Variants in PRKAG2 observed in about 807,000 individuals in gnomAD.
PRKAG2 encodes the protein 5'-AMP-activated protein kinase subunit gamma-2.
A neutral mutation model predicts 69.6 loss-of-function variants in PRKAG2; 26 were observed. The ratio of observed to expected loss-of-function variants is 0.37; its 90% CI spans 0.27 to 0.52. The LOEUF is 0.52. Among genes scored for constraint, PRKAG2 ranks in the 20% least tolerant of loss-of-function variants. PRKAG2 has a pLI of 0.90. For missense variants in PRKAG2, 557 were observed against 740.0 expected (o/e 0.75, Z 2.87); for synonymous variants, 293 against 285.0 (o/e 1.03, Z -0.28).
intron 4 of PRKAG2, among the ~76,000 whole-genome samples, chr7:151,644,121 A>G (rs769949400): frequency 1.3e-5 from 2 of 152,194 alleles, no homozygotes; most frequent in African/African-American, 4.8e-5. Context: ...GACTACAAAC[A>G]TGGTGCAGAG....
At chr7:151,708,575 C>A (rs1839011712) in intron 3 of PRKAG2, among the ~76,000 whole-genome samples, 1 of 152,096 alleles carries the variant, frequency 6.6e-6, no homozygotes, top group East Asian at 1.9e-4. Flanking sequence ...GAATTTGGAG[C>A]CAGAGGGTCC....
At chr7:151,698,668 T>C (rs56145758) in intron 3 of PRKAG2, among the ~76,000 whole-genome samples, 3 of 152,144 alleles carry the variant, frequency 2.0e-5, no homozygotes, top group African/African-American at 7.2e-5. Flanking sequence ...ACCAGCACCA[T>C]GCTTCTCCTA....
At chr7:151,854,268 G>A (rs1238091352) in intron 1 of PRKAG2, among the ~76,000 whole-genome samples, 1 of 152,258 alleles carries the variant, frequency 6.6e-6, no homozygotes, top group Non-Finnish European at 1.5e-5. Context: ...CTATCTACAT[G>A]CATGCCTCCC....
chr7:151,775,662 GATTAATGTCTGCTAGAGACAA>G (rs1259282979), intron 3 of PRKAG2, among the ~76,000 whole-genome samples: 9 of 152,356 alleles, frequency 5.9e-5, no homozygotes, highest in Non-Finnish European at 1.2e-4. Context: ...GCTATTACAC[GATTAATGTCTGCTAGAGACAA>G]AAGCAGTCCC....
At chr7:151,671,666 T>A (rs77255672) in intron 4 of PRKAG2, among the ~76,000 whole-genome samples, 332 of 152,374 alleles carry the variant, frequency 2.2e-3, no homozygotes, top group African/African-American at 7.3e-3. Flanking sequence ...CAACCTTATT[T>A]GGAAGCAGAG....
chr7:151,865,951 C>T (rs573985186), intron 1 of PRKAG2, among the ~76,000 whole-genome samples: 85 of 145,468 alleles, frequency 5.8e-4, no homozygotes, highest in African/African-American at 1.1e-3. Context: ...ACCTGGGAGG[C>T]GGAGCTTGCA....
chr7:151,595,415 A>T lies in PRKAG2; in HGVS notation c.794T>A (p.Met265Lys). 1 of 1,614,056 alleles carries T rather than the reference A, an allele frequency of 6.2e-7. No individual in the cohort carries two copies. The highest frequency in any genetic ancestry group is 8.5e-7 in the Non-Finnish European group (1 of 1,179,944). The change falls in exon 6 of 16, where the codon ATG becomes AAG. Residue 265 changes from methionine to lysine, a missense_variant. Met to Lys is a moderately conservative substitution (Grantham distance 95). Around this residue, in one of 2 missense-constraint regions of PRKAG2, gnomAD observed 205 missense variants for 383.4 expected, o/e 0.53. Coordinates refer to ENST00000287878, the MANE Select transcript of PRKAG2 (RefSeq NM_016203.4). ...GATGTCATAACACTTGTGTGACCTC[A>T]TGAATCGCATGTAAACACCACTTTC... ...DSESGVYMRF[M>K]RSHKCYDIVP...
At chr7:151,616,644 G>A (rs929224340) in intron 5 of PRKAG2, among the ~76,000 whole-genome samples, 2 of 152,238 alleles carry the variant, frequency 1.3e-5, no homozygotes, top group African/African-American at 4.8e-5. Flanking sequence ...TGTTTGGACT[G>A]TGCAGTGTGA....
chr7:151,613,577 A>T (rs1819385033), intron 5 of PRKAG2, among the ~76,000 whole-genome samples: 3 of 152,018 alleles, frequency 2.0e-5, no homozygotes, highest in Non-Finnish European at 4.4e-5. Context: ...GGCTCACTGC[A>T]ACCTCTGGCT....
rs967200695 is a variant in PRKAG2 at position 151,828,097 on chromosome 7, C to G, written c.115-41556G>C. The stretch of plus-strand genomic sequence containing the variant: ...CCAGGTGCACTGGGCCACCCATTCA[C>G]CCAGCAAGCACACAGCAAACGCCTG... On this transcript the variant is annotated intron_variant, in intron 1 of 15. Coordinates refer to ENST00000287878, the MANE Select transcript of PRKAG2 (RefSeq NM_016203.4). The surrounding 1 kb of genome is among the most constrained non-coding windows in gnomAD (Gnocchi z 4.6). Among the ~76,000 whole-genome samples, 7 of 152,254 alleles carry G rather than the reference C, an allele frequency of 4.6e-5. No individual in the cohort carries two copies. The highest frequency in any genetic ancestry group is 1.7e-4 in the African/African-American group (7 of 41,468).
chr7:151,691,352 A>G (rs1835626184), intron 3 of PRKAG2, among the ~76,000 whole-genome samples: 1 of 152,068 alleles, frequency 6.6e-6, no homozygotes, highest in Admixed American at 6.6e-5. Flanking sequence ...GAATTGGTTG[A>G]AGCTGAGGAG....
At chr7:151,742,838 G>T (rs181420236) in intron 3 of PRKAG2, among the ~76,000 whole-genome samples, 127 of 152,206 alleles carry the variant, frequency 8.3e-4, no homozygotes, top group African/African-American at 2.9e-3. Context: ...CACTGCTGGG[G>T]TCTTTCTGTT....
chr7:151,769,566 C>T (rs1318903401), intron 3 of PRKAG2, among the ~76,000 whole-genome samples: 1 of 152,226 alleles, frequency 6.6e-6, no homozygotes, highest in Non-Finnish European at 1.5e-5. Context: ...ACAGAGCCCT[C>T]CCAGAGCCTT....
intron 5 of PRKAG2, among the ~76,000 whole-genome samples, chr7:151,625,046 T>C (rs1454937429): frequency 6.6e-6 from 1 of 152,154 alleles, no homozygotes; most frequent in Admixed American, 6.5e-5. Context: ...AATATTAAGA[T>C]TTCAGTCTCC....
Position 151,756,285 on chromosome 7 carries a change from G to C in PRKAG2, c.466+24867C>G, listed in dbSNP as rs577300242. Reference sequence around the variant, plus strand: ...CACGTGACTGCAACGAAGGAAGTGTGGGTTCCTTTTAACGTAGGAGCCACC... The same window carrying C: ...CACGTGACTGCAACGAAGGAAGTGTCGGTTCCTTTTAACGTAGGAGCCACC... On this transcript the variant is annotated intron_variant, in intron 3 of 15. Coordinates refer to ENST00000287878, the MANE Select transcript of PRKAG2 (RefSeq NM_016203.4). The surrounding 1 kb of genome is among the most constrained non-coding windows in gnomAD (Gnocchi z 4.9). Among the ~76,000 whole-genome samples the C allele has an allele frequency of 6.6e-6, 1 of 152,314 alleles. No homozygotes were observed. Among genetic ancestry groups the C allele is most frequent in the Non-Finnish European group, 1.5e-5 (1 of 68,028 alleles).
At chr7:151,773,337 C>T (rs918438563) in intron 3 of PRKAG2, among the ~76,000 whole-genome samples, 3 of 152,148 alleles carry the variant, frequency 2.0e-5, no homozygotes, top group African/African-American at 7.2e-5. Context: ...AGCTGGCTAT[C>T]CCATTATTGG....
intron 15 of PRKAG2, chr7:151,560,274 A>C (rs973412406): frequency 2.9e-6 from 4 of 1,386,826 alleles, no homozygotes; most frequent in Non-Finnish European, 3.8e-6. Flanking sequence ...ATGGCTCCCA[A>C]GTCATTTAGG....
At chr7:151,560,916 A>G (rs1804808644) in intron 14 of PRKAG2, among the ~76,000 whole-genome samples, 1 of 152,174 alleles carries the variant, frequency 6.6e-6, no homozygotes, top group Non-Finnish European at 1.5e-5. Flanking sequence ...CTGTCTCAGA[A>G]AAAGAAAAAA....
chr7:151,650,439 G>A (rs1451675956), intron 4 of PRKAG2, among the ~76,000 whole-genome samples: 2 of 152,146 alleles, frequency 1.3e-5, no homozygotes, highest in African/African-American at 4.8e-5. Flanking sequence ...AGGGGTTATG[G>A]TCCTAAATCC....
Sources: gnomAD v4.1 joint callset for allele counts (sites outside exome capture counted in the v4.1 genomes callset) on GRCh38, gnomAD v4.1.1 for gene constraint, gnomAD v4.1.1 regional missense constraint, Gnocchi (gnomAD v3.1) non-coding constraint, MANE v1.5 for transcripts, NCBI Gene and HGNC (gene_info 2026-07-23, HGNC 2026-07-21) for gene names.